Variants in GLI2 observed in about 807,000 individuals in gnomAD.
GLI2 encodes GLI family zinc finger 2.
GLI2 carries 22 observed loss-of-function variants against 78.9 expected under a neutral mutation model. The ratio of observed to expected loss-of-function variants is 0.28; its 90% CI spans 0.20 to 0.40. The LOEUF (loss-of-function observed/expected upper bound fraction) is 0.40. GLI2 is among the 10% of genes least tolerant of loss of function. The probability of loss-of-function intolerance (pLI) is 1.00; values close to 1 mark genes in which losing one functional copy is unlikely to be tolerated. For synonymous variants in GLI2, 974 were observed against 963.7 expected, an observed-to-expected ratio of 1.01 and a Z score of -0.20; for missense variants, 2,097 against 2,213.2, an observed-to-expected ratio of 0.95 and a Z score of 1.05.
At chr2:120,920,135 T>C (rs1340032637) in intron 2 of GLI2, among the ~76,000 whole-genome samples, 1 of 152,194 alleles carries the variant, frequency 6.6e-6, no homozygotes, top group Non-Finnish European at 1.5e-5. Flanking sequence ...CTGGAGATGG[T>C]GCTAATCTCT....
At chr2:120,785,155 T>C (rs1683960838) in intron 1 of GLI2, among the ~76,000 whole-genome samples, 1 of 152,062 alleles carries the variant, frequency 6.6e-6, no homozygotes, top group Non-Finnish European at 1.5e-5. Flanking sequence ...TGCGATGAGG[T>C]GGCTGCCAGG....
chr2:120,747,776 G>A (rs1682736486), intron 1 of GLI2, among the ~76,000 whole-genome samples: 1 of 152,318 alleles, frequency 6.6e-6, no homozygotes, highest in Admixed American at 6.5e-5. Context: ...TGCCACTGGG[G>A]CTTCCCAGGG....
chr2:120,980,444 G>A (rs149610406), intron 10 of GLI2, among the ~76,000 whole-genome samples: 3 of 152,314 alleles, frequency 2.0e-5, no homozygotes, highest in Non-Finnish European at 4.4e-5. Context: ...CTTCTCTGGA[G>A]AACTGTCTAC....
intron 2 of GLI2, among the ~76,000 whole-genome samples, chr2:120,910,281 C>T (rs1396039323): frequency 6.6e-6 from 1 of 152,168 alleles, no homozygotes; most frequent in East Asian, 1.9e-4. Flanking sequence ...GCCACCTGGT[C>T]CCTTGGCACG....
intron 2 of GLI2, among the ~76,000 whole-genome samples, chr2:120,913,566 T>G (rs1678939973): frequency 6.6e-6 from 1 of 152,202 alleles, no homozygotes; most frequent in Non-Finnish European, 1.5e-5. Context: ...CTAGGGAAGA[T>G]TCTAGTCCAA....
rs557383605 is a variant in GLI2 at position 120,932,304 on chromosome 2, C to T, written c.254+4838C>T. On this transcript the variant is annotated intron_variant, in intron 3 of 13. Transcript: ENST00000361492. ...TGCTGCCCTGAGCTGGTGACCATTT[C>T]GTGGGTGTGCCCGCCCCTCAGCCCT... Among the ~76,000 whole-genome samples the T allele has an allele frequency of 7.2e-5, 11 of 152,264 alleles. No individual in the cohort carries two copies. The East Asian group carries it at 1.5e-3, about 21-fold the overall frequency.
chr2:120,947,230 G>A (rs189386030), intron 3 of GLI2, among the ~76,000 whole-genome samples: 3 of 152,216 alleles, frequency 2.0e-5, no homozygotes, highest in African/African-American at 4.8e-5. Flanking sequence ...ACAGGCAGGG[G>A]CTCCAGCCCA....
chr2:120,782,532 A>G (rs1248338718), intron 1 of GLI2, among the ~76,000 whole-genome samples: 1 of 152,218 alleles, frequency 6.6e-6, no homozygotes, highest in African/African-American at 2.4e-5. Flanking sequence ...TTGCAGCAAG[A>G]GGCTGACCCA....
At chr2:120,891,092 A>G (rs561418954) in intron 2 of GLI2, among the ~76,000 whole-genome samples, 6 of 152,342 alleles carry the variant, frequency 3.9e-5, no homozygotes, top group African/African-American at 1.4e-4. Flanking sequence ...AAATGAAAAG[A>G]TGGACCTTTC....
intron 2 of GLI2, among the ~76,000 whole-genome samples, chr2:120,884,830 G>A (rs754465268): frequency 3.3e-5 from 5 of 152,128 alleles, no homozygotes; most frequent in South Asian, 4.1e-4. Context: ...GGAGAGTGGC[G>A]CGTGGGGGCC....
chr2:120,851,406 G>T (rs995260467), intron 2 of GLI2, among the ~76,000 whole-genome samples: 7 of 152,246 alleles, frequency 4.6e-5, no homozygotes, highest in Non-Finnish European at 8.8e-5. Flanking sequence ...CAGCCCGTGG[G>T]CCCCCAGGGC....
intron 1 of GLI2, among the ~76,000 whole-genome samples, chr2:120,796,352 A>G (rs757342792): frequency 3.3e-5 from 5 of 152,136 alleles, no homozygotes; most frequent in Non-Finnish European, 7.4e-5. Context: ...TCACTGCAGT[A>G]GCCTCCTCTC....
At chr2:120,978,148 G>A (rs936101229) in intron 9 of GLI2, among the ~76,000 whole-genome samples, 5 of 152,198 alleles carry the variant, frequency 3.3e-5, no homozygotes, top group African/African-American at 9.7e-5. Flanking sequence ...GCAGATAAGC[G>A]GCACGCAGTA....
At chr2:120,776,339 A>G (rs34532098) in intron 1 of GLI2, among the ~76,000 whole-genome samples, 33,409 of 152,192 alleles carry the variant, frequency 0.22, 4,468 homozygotes, top group African/African-American at 0.38. Flanking sequence ...CCAGTCTGTC[A>G]GCTTCCAAAG....
intron 2 of GLI2, among the ~76,000 whole-genome samples, chr2:120,888,839 T>C (rs1015299126): frequency 5.9e-5 from 9 of 152,184 alleles, no homozygotes; most frequent in Non-Finnish European, 8.8e-5. Context: ...GCAAGTCTTT[T>C]TTCCAGGAGA....
At chr2:120,756,127 A>G (rs1478071772) in intron 1 of GLI2, among the ~76,000 whole-genome samples, 1 of 152,164 alleles carries the variant, frequency 6.6e-6, no homozygotes, top group East Asian at 1.9e-4. Context: ...TAAGATTTTG[A>G]TTGAGATTGT....
At position 120,991,526 on chromosome 2, in the gene GLI2, G is replaced by T. The variant is rs915661961; in HGVS notation, c.*851G>T. 1.3e-5 allele frequency: 2 copies of T among 152,672 alleles called. No homozygotes were observed. The highest frequency in any genetic ancestry group is 4.8e-5 in the African/African-American group (2 of 41,436). 9.5% of individuals were successfully genotyped at this position (152,672 alleles called of 1,614,324 possible). ...TAAATACCTCGGGGCTGCTGGAGCC[G>T]CTGTGGGTTAGGGATGGACTGAGGC... On this transcript the variant is annotated 3_prime_UTR_variant, in exon 14 of 14. Coordinates refer to ENST00000361492, the MANE Select transcript of GLI2 (RefSeq NM_001374353.1).
chr2:120,740,674 C>A (rs555521760), intron 1 of GLI2, among the ~76,000 whole-genome samples: 1 of 152,212 alleles, frequency 6.6e-6, no homozygotes, highest in Non-Finnish European at 1.5e-5. Context: ...CTTTTCCATT[C>A]TCTGGCCTTT....
At chr2:120,762,642 G>A (rs1683247661) in intron 1 of GLI2, among the ~76,000 whole-genome samples, 1 of 152,202 alleles carries the variant, frequency 6.6e-6, no homozygotes, top group Non-Finnish European at 1.5e-5. Flanking sequence ...GAAGGTCACA[G>A]GCCTCCCCAT....
Sources: gnomAD v4.1 joint callset for allele counts (sites outside exome capture counted in the v4.1 genomes callset) on GRCh38, gnomAD v4.1.1 for gene constraint, MANE v1.5 for transcripts, NCBI Gene and HGNC (gene_info 2026-07-23, HGNC 2026-07-21) for gene names.